DCHS2: variants seen among roughly 807,000 people sequenced by gnomAD.
DCHS2 encodes the protein protocadherin-23.
Under a neutral mutation model 182.4 loss-of-function variants are expected in DCHS2, and 142 were observed. That is an observed-to-expected ratio of 0.78 (90% CI 0.68 to 0.89). The LOEUF is 0.89. Ranked by LOEUF, DCHS2 falls within the 40% of genes least tolerant of loss-of-function variation. The pLI, the probability that DCHS2 is intolerant of heterozygous loss-of-function variation, is 0.00. For synonymous variants in DCHS2, 1,740 were observed against 1,663.3 expected (o/e 1.05, Z -1.12); for missense variants, 4,319 against 4,198.6 (o/e 1.03, Z -0.79).
chr4:154,404,581 C>T (rs1302857713), intron 1 of DCHS2, among the ~76,000 whole-genome samples: 2 of 152,144 alleles, frequency 1.3e-5, no homozygotes, highest in East Asian at 1.9e-4. Context: ...TTTGTTTGTA[C>T]TTTTGCCTAC....
In DCHS2 at chr4:154,234,844, C is replaced by T; in HGVS notation, c.9808G>A (p.Glu3270Lys). The part of the protein sequence containing the change: ...EHLHMPGIPK[E>K]KKSFVFPPPL... ...GGTGGAAAAACAAAAGATTTCTTCT[C>T]TTTTGGAATGCCAGGCATATGCAAA... The change falls in exon 20 of 20, where the codon GAG becomes AAG. Residue 3270 changes from glutamate (E) to lysine (K), a missense_variant. Transcript: ENST00000357232. 1 of 1,614,040 alleles carries T rather than the reference C, an allele frequency of 6.2e-7. No individual in the cohort carries two copies. The highest frequency in any genetic ancestry group is 8.5e-7 in the Non-Finnish European group (1 of 1,179,962).
Position 154,377,379 on chromosome 4 carries a change from G to A in DCHS2, c.2118C>T (p.Phe706=). The A allele has an allele frequency of 6.2e-7, 1 of 1,613,602 alleles. No individual in the cohort carries two copies. The highest frequency in any genetic ancestry group is 8.5e-7 in the Non-Finnish European group (1 of 1,179,690). Residue 706 remains phenylalanine, a synonymous_variant, in exon 2 of 20, where the codon TTC becomes TTT. Coordinates refer to ENST00000357232, the MANE Select transcript of DCHS2 (RefSeq NM_001358235.2). ...GFIEYSLYDG[F]LSYEAPQAFR... is the part of the protein sequence containing the mutation. ...ATGCCTGAGGTGCTTCATAGCTCAGGAATCCATCATAAAGAGAATATTCAA... is the reference window on the plus strand; with the variant it reads ...ATGCCTGAGGTGCTTCATAGCTCAGAAATCCATCATAAAGAGAATATTCAA...
intron 2 of DCHS2, among the ~76,000 whole-genome samples, chr4:154,367,648 A>T (rs114213431): frequency 2.1e-3 from 324 of 152,302 alleles, no homozygotes; most frequent in African/African-American, 7.6e-3. Flanking sequence ...TGACACTTTC[A>T]TCTTTGACAA....
intron 12 of DCHS2, among the ~76,000 whole-genome samples, chr4:154,302,934 T>C (rs914105588): frequency 1.2e-4 from 6 of 49,732 alleles, no homozygotes; most frequent in African/African-American, 3.9e-4. Context: ...TAGATATACG[T>C]ATACACACAC....
At position 154,310,329 on chromosome 4, in the gene DCHS2, G is replaced by A. The variant is rs145288737; in HGVS notation, c.5261-5098C>T. On this transcript the variant is annotated intron_variant, in intron 10 of 19. Coordinates refer to ENST00000357232, the MANE Select transcript of DCHS2 (RefSeq NM_001358235.2). ...CAATATTGATACTGTTTGCTAGAGAGTCAGAATTTAATGTGTTAGCCCATA... is the reference window on the plus strand; with the variant it reads ...CAATATTGATACTGTTTGCTAGAGAATCAGAATTTAATGTGTTAGCCCATA... Among the ~76,000 whole-genome samples the A allele has an allele frequency of 5.2e-4, 79 of 152,290 alleles. No individual in the cohort carries two copies. The East Asian group carries it at 0.012, about 23-fold the overall frequency.
At chr4:154,384,624 T>C (rs1483155180) in intron 1 of DCHS2, among the ~76,000 whole-genome samples, 1 of 152,190 alleles carries the variant, frequency 6.6e-6, no homozygotes, top group Non-Finnish European at 1.5e-5. Flanking sequence ...GAGAATCTTA[T>C]CCTTGCTTAT....
intron 10 of DCHS2, among the ~76,000 whole-genome samples, chr4:154,309,604 A>G (rs1388991831): frequency 3.3e-5 from 5 of 152,102 alleles, no homozygotes; most frequent in Non-Finnish European, 5.9e-5. Context: ...TGTAGCATCT[A>G]TTCTTCCTGA....
chr4:154,320,171 G>A (rs1157453499), intron 9 of DCHS2, among the ~76,000 whole-genome samples: 1 of 152,148 alleles, frequency 6.6e-6, no homozygotes, highest in Non-Finnish European at 1.5e-5. Context: ...AGTGGTGATT[G>A]TCAGAGGCTG....
chr4:154,321,832 G>A (rs1736071989), intron 8 of DCHS2, among the ~76,000 whole-genome samples: 1 of 152,014 alleles, frequency 6.6e-6, no homozygotes, highest in Non-Finnish European at 1.5e-5. Context: ...TGAGTGGTTG[G>A]TGTAATTTTT....
chr4:154,435,148 G>A (rs1330647265), intron 1 of DCHS2, among the ~76,000 whole-genome samples: 1 of 152,218 alleles, frequency 6.6e-6, no homozygotes, highest in Non-Finnish European at 1.5e-5. Flanking sequence ...GGGGTACACA[G>A]AGAATCTGTA....
chr4:154,288,605 G>GTTCT (rs1734515312), intron 13 of DCHS2, among the ~76,000 whole-genome samples: 1 of 152,014 alleles, frequency 6.6e-6, no homozygotes, highest in South Asian at 2.1e-4. Context: ...CCAATGAAAT[G>GTTCT]GATGGAGAAT....
intron 12 of DCHS2, among the ~76,000 whole-genome samples, chr4:154,303,291 A>T (rs1004007463): frequency 6.6e-5 from 10 of 151,990 alleles, no homozygotes; most frequent in Non-Finnish European, 1.3e-4. Context: ...CACCTTTCAT[A>T]TATTTTTAAG....
chr4:154,309,670 C>T (rs1735595203), intron 10 of DCHS2, among the ~76,000 whole-genome samples: 1 of 152,144 alleles, frequency 6.6e-6, no homozygotes, highest in African/African-American at 2.4e-5. Flanking sequence ...GTAACAGGGA[C>T]TCTGAGATTG....
chr4:154,236,234 A>T lies in DCHS2; in HGVS notation c.8418T>A (p.Tyr2806Ter). 6.2e-7 allele frequency: 1 copy of T among 1,614,016 alleles called. No homozygotes were observed. The highest frequency in any genetic ancestry group is 8.5e-7 in the Non-Finnish European group (1 of 1,179,948). Residue 2806 changes from tyrosine (Y) to a stop codon, truncating the protein, a stop_gained, in exon 20 of 20, where the codon TAT becomes TAA. Transcript: ENST00000357232. LOFTEE classifies it low-confidence loss of function (END_TRUNC). ...FDAGPYGELT[Y>*]SIVSPCFLTH... ...TGAGAAAACAGGGTGATACAATAGAATAGGTCAATTCTCCATACGGACCAG... is the reference window on the plus strand; with the variant it reads ...TGAGAAAACAGGGTGATACAATAGATTAGGTCAATTCTCCATACGGACCAG...
intron 1 of DCHS2, among the ~76,000 whole-genome samples, chr4:154,473,453 ATAT>A (rs1189493046): frequency 6.6e-6 from 1 of 152,250 alleles, no homozygotes; most frequent in Non-Finnish European, 1.5e-5. Flanking sequence ...GGGAGAGCTA[ATAT>A]TATACAATGC....
intron 1 of DCHS2, among the ~76,000 whole-genome samples, chr4:154,455,422 C>A (rs892361374): frequency 1.3e-5 from 2 of 152,198 alleles, no homozygotes; most frequent in Non-Finnish European, 2.9e-5. Context: ...TGGATCCTGT[C>A]TTTAACATAC....
chr4:154,260,610 G>A (rs1732943634), intron 14 of DCHS2, among the ~76,000 whole-genome samples: 1 of 152,176 alleles, frequency 6.6e-6, no homozygotes, highest in Admixed American at 6.5e-5. Context: ...AGCCTGGAAT[G>A]GCTCACACAG....
chr4:154,247,845 C>T (rs1456882849), intron 16 of DCHS2, among the ~76,000 whole-genome samples: 1 of 152,042 alleles, frequency 6.6e-6, no homozygotes, highest in African/African-American at 2.4e-5. Context: ...AGATAATTTA[C>T]TTCTGTGGCA....
intron 15 of DCHS2, 43 bp downstream of exon 15, chr4:154,259,499 CCCA>C: frequency 6.3e-7 from 1 of 1,589,368 alleles, no homozygotes. Context: ...CACAGACACA[CCCA>C]CACACACACA....
Sources: gnomAD v4.1 joint callset for allele counts (sites outside exome capture counted in the v4.1 genomes callset) on GRCh38, gnomAD v4.1.1 for gene constraint, MANE v1.5 for transcripts, NCBI Gene and HGNC (gene_info 2026-07-23, HGNC 2026-07-21) for gene names.